Variants in PRKN observed in about 807,000 individuals in gnomAD.
The protein encoded by PRKN is E3 ubiquitin-protein ligase parkin.
In PRKN, 56 loss-of-function variants were observed where a neutral mutation model predicts 59.5. The observed-to-expected ratio is 0.94, with a 90% confidence interval of 0.76 to 1.18. The LOEUF (loss-of-function observed/expected upper bound fraction) is 1.18, where lower values mean the gene tolerates loss of function less well. PRKN is among the 50% of genes most tolerant of loss of function. The pLI is 0.00. For missense variants in PRKN, 657 were observed against 596.4 expected (o/e 1.10, Z -1.06); for synonymous variants, 250 against 222.1 (o/e 1.13, Z -1.12).
At chr6:162,249,069 G>A (rs1339162174) in intron 3 of PRKN, among the ~76,000 whole-genome samples, 6 of 151,936 alleles carry the variant, frequency 3.9e-5, no homozygotes, top group South Asian at 2.1e-4. Flanking sequence ...TAGTAGAGAC[G>A]AGGTTTCACC....
intron 7 of PRKN, among the ~76,000 whole-genome samples, chr6:161,693,729 A>G (rs1785900719): frequency 6.6e-6 from 1 of 152,248 alleles, no homozygotes; most frequent in Non-Finnish European, 1.5e-5. Context: ...TCTACCCCAG[A>G]TGTAAATTTT....
chr6:161,364,870 G>T (rs2114873656), intron 10 of PRKN, among the ~76,000 whole-genome samples: 1 of 151,820 alleles, frequency 6.6e-6, no homozygotes, highest in East Asian at 1.9e-4. Flanking sequence ...GGTGGAGGTT[G>T]CAGTGAGCCG....
chr6:162,089,408 G>A (rs1779381324), intron 4 of PRKN, among the ~76,000 whole-genome samples: 1 of 152,176 alleles, frequency 6.6e-6, no homozygotes, highest in South Asian at 2.1e-4. Context: ...AATAACGGGT[G>A]CTGTCAAGAA....
intron 1 of PRKN, among the ~76,000 whole-genome samples, chr6:162,602,438 G>C (rs565260504): frequency 6.6e-6 from 1 of 152,246 alleles, no homozygotes; most frequent in Non-Finnish European, 1.5e-5. Context: ...AGAACACTGT[G>C]TCTTGCATGT....
intron 3 of PRKN, among the ~76,000 whole-genome samples, chr6:162,255,308 C>G (rs551425041): frequency 6.6e-6 from 1 of 152,154 alleles, no homozygotes; most frequent in South Asian, 2.1e-4. Flanking sequence ...AAAGGGATAA[C>G]TGAAATGGAT....
chr6:161,946,057 G>T (rs1779762943), intron 6 of PRKN, among the ~76,000 whole-genome samples: 1 of 151,972 alleles, frequency 6.6e-6, no homozygotes, highest in Admixed American at 6.6e-5. Context: ...TTTAGTAAAT[G>T]CTTAATAAAT....
intron 9 of PRKN, among the ~76,000 whole-genome samples, chr6:161,469,547 A>AAGAGAGAGAGAG (rs60364166): frequency 8.5e-6 from 1 of 117,824 alleles, no homozygotes; most frequent in Non-Finnish European, 1.7e-5. Flanking sequence ...GAACAAGAGA[A>AAGAGAGAGAGAG]AGAGAGAGAG....
chr6:162,278,106 A>C (rs571888379), intron 2 of PRKN, among the ~76,000 whole-genome samples: 2 of 152,320 alleles, frequency 1.3e-5, no homozygotes, highest in Non-Finnish European at 2.9e-5. Flanking sequence ...ATGAAGTATC[A>C]AGCCAGGAAA....
intron 7 of PRKN, among the ~76,000 whole-genome samples, chr6:161,627,504 T>A (rs1304113952): frequency 6.6e-6 from 1 of 152,236 alleles, no homozygotes; most frequent in Non-Finnish European, 1.5e-5. Flanking sequence ...TGTCATCAAA[T>A]GCTTTCATAA....
At chr6:161,745,729 G>T (rs1178752494) in intron 7 of PRKN, among the ~76,000 whole-genome samples, 14 of 152,154 alleles carry the variant, frequency 9.2e-5, no homozygotes, top group Non-Finnish European at 1.6e-4. Context: ...ACGGCAAGGG[G>T]AGGATTCCAG....
In PRKN at chr6:161,545,866, T is replaced by TTCCTTGTG. The variant is rs1405425255; in HGVS notation, c.1083+2980_1083+2987dup. Among the ~76,000 whole-genome samples the TTCCTTGTG allele has an allele frequency of 6.6e-6, 1 of 152,192 alleles. No homozygotes were observed. The highest frequency in any genetic ancestry group is 1.5e-5 in the Non-Finnish European group (1 of 68,044). ...GATCAGACTTGAATAGTCACCATGG[T>TTCCTTGTG]TCCTTGTGGAAAAGTCTGTTGGGAT... is the stretch of plus-strand genomic sequence containing the variant. On this transcript the variant is annotated intron_variant, in intron 9 of 11. Coordinates refer to ENST00000366898, the MANE Select transcript of PRKN (RefSeq NM_004562.3). This position sits in a 1 kb window ranked among gnomAD's most constrained non-coding sequence, Gnocchi z 4.1.
intron 1 of PRKN, among the ~76,000 whole-genome samples, chr6:162,556,125 C>T (rs770643705): frequency 4.3e-4 from 65 of 152,142 alleles, no homozygotes; most frequent in Non-Finnish European, 7.1e-4. Flanking sequence ...GCAATACATC[C>T]GTACTGTGTG....
chr6:162,544,759 C>T (rs1280319565), intron 1 of PRKN, among the ~76,000 whole-genome samples: 1 of 147,200 alleles, frequency 6.8e-6, no homozygotes, highest in Non-Finnish European at 1.5e-5. Flanking sequence ...CTCACGGCAA[C>T]CTCCGCCTCC....
At position 161,580,842 on chromosome 6, in the gene PRKN, T is replaced by C. The variant is rs561818766; in HGVS notation, c.872-11426A>G. Among the ~76,000 whole-genome samples the C allele has an allele frequency of 3.9e-5, 6 of 152,066 alleles. No homozygotes were observed. In the South Asian group the frequency reaches 1.2e-3, roughly 32 times the overall value. On this transcript the variant is annotated intron_variant, in intron 7 of 11. Transcript: ENST00000366898. ...TGAAGCTCAATAGACACGGATATCGTTGGTGTGTCAAAGCTGAAGATTATC... is the reference window on the plus strand; with the variant it reads ...TGAAGCTCAATAGACACGGATATCGCTGGTGTGTCAAAGCTGAAGATTATC...
At chr6:161,642,482 T>A (rs1328247544) in intron 7 of PRKN, among the ~76,000 whole-genome samples, 1 of 152,200 alleles carries the variant, frequency 6.6e-6, no homozygotes, top group Non-Finnish European at 1.5e-5. Flanking sequence ...GAATTTCTGA[T>A]GTATACAAGA....
chr6:162,463,625 A>T (rs1791275616), intron 1 of PRKN, among the ~76,000 whole-genome samples: 1 of 152,052 alleles, frequency 6.6e-6, no homozygotes, highest in Non-Finnish European at 1.5e-5. Flanking sequence ...GGGCCTGGAG[A>T]TGTTGACAAT....
chr6:162,122,987 C>T (rs1488144409), intron 4 of PRKN, among the ~76,000 whole-genome samples: 1 of 148,908 alleles, frequency 6.7e-6, no homozygotes, highest in Non-Finnish European at 1.5e-5. Context: ...AAGGTTTCCA[C>T]CAGGAGAAAC....
At chr6:161,901,338 A>G (rs1355372900) in intron 6 of PRKN, among the ~76,000 whole-genome samples, 1 of 152,180 alleles carries the variant, frequency 6.6e-6, no homozygotes, top group Non-Finnish European at 1.5e-5. Flanking sequence ...TGTCTCCAGT[A>G]TGTAGTTAAA....
intron 1 of PRKN, among the ~76,000 whole-genome samples, chr6:162,620,153 C>T (rs1352504766): frequency 6.6e-6 from 1 of 152,012 alleles, no homozygotes; most frequent in Non-Finnish European, 1.5e-5. Context: ...ATTCTACCTC[C>T]TGACTTCTGG....
Sources: gnomAD v4.1 joint callset for allele counts (sites outside exome capture counted in the v4.1 genomes callset) on GRCh38, gnomAD v4.1.1 for gene constraint, Gnocchi (gnomAD v3.1) non-coding constraint, MANE v1.5 for transcripts, NCBI Gene and HGNC (gene_info 2026-07-23, HGNC 2026-07-21) for gene names.